The following DISC1 variants were observed in gnomAD, a reference collection of about 807,000 sequenced individuals.
DISC1 encodes DISC1 scaffold protein.
In DISC1, 57 loss-of-function variants were observed where a neutral mutation model predicts 84.5. The ratio of observed to expected loss-of-function variants is 0.67; its 90% CI spans 0.55 to 0.84. DISC1 has a LOEUF of 0.84. DISC1 is among the 40% of genes least tolerant of loss of function. The pLI, the probability that DISC1 is intolerant of heterozygous loss-of-function variation, is 0.00. For synonymous variants in DISC1, 411 were observed against 415.2 expected (o/e 0.99, Z 0.12); for missense variants, 1,000 against 1,057.8 (o/e 0.95, Z 0.76).
intron 11 of DISC1, among the ~76,000 whole-genome samples, chr1:232,025,633 G>A (rs1310874249): frequency 2.1e-5 from 3 of 140,448 alleles, no homozygotes; most frequent in East Asian, 4.1e-4. Context: ...GTCTCGCTCT[G>A]TCGCCCAGGC....
intron 8 of DISC1, chr1:231,815,134 T>C (rs1032674891): frequency 6.6e-6 from 1 of 152,040 alleles, no homozygotes; most frequent in Non-Finnish European, 1.5e-5. Flanking sequence ...ATTAATGTTA[T>C]ATATTTATTT....
At chr1:231,760,730 C>T (rs2075579109) in intron 4 of DISC1, among the ~76,000 whole-genome samples, 1 of 152,192 alleles carries the variant, frequency 6.6e-6, no homozygotes, top group African/African-American at 2.4e-5. Context: ...AGGATTTTCT[C>T]ACAGGTGGAT....
chr1:232,002,116 G>A (rs924922273), intron 10 of DISC1, among the ~76,000 whole-genome samples: 1 of 152,072 alleles, frequency 6.6e-6, no homozygotes, highest in Non-Finnish European at 1.5e-5. Flanking sequence ...AAAGAAGCAC[G>A]TGAAAAGATA....
chr1:231,746,342 A>T (rs944082101), intron 3 of DISC1, among the ~76,000 whole-genome samples: 1 of 152,220 alleles, frequency 6.6e-6, no homozygotes, highest in East Asian at 1.9e-4. Context: ...TGCTTTATCC[A>T]TTCATCTGTT....
At chr1:231,986,247 T>C (rs1664421506) in intron 10 of DISC1, among the ~76,000 whole-genome samples, 1 of 152,144 alleles carries the variant, frequency 6.6e-6, no homozygotes, top group Non-Finnish European at 1.5e-5. Context: ...GGATCTCAAG[T>C]TGGGAATGGT....
chr1:231,645,879 A>C (rs1332975460), intron 1 of DISC1, among the ~76,000 whole-genome samples: 4 of 150,444 alleles, frequency 2.7e-5, no homozygotes, highest in African/African-American at 9.8e-5. Flanking sequence ...TCCATGGTGT[A>C]TATGTGCCAC....
intron 10 of DISC1, among the ~76,000 whole-genome samples, chr1:231,978,540 G>A (rs1663145478): frequency 6.6e-6 from 1 of 152,140 alleles, no homozygotes; most frequent in Admixed American, 6.5e-5. Flanking sequence ...TGGTTTTCTA[G>A]CATCCTACAA....
chr1:231,806,311 G>T (rs532221010), intron 8 of DISC1, among the ~76,000 whole-genome samples: 1 of 152,322 alleles, frequency 6.6e-6, no homozygotes, highest in East Asian at 1.9e-4. Flanking sequence ...GGCAGCGGTG[G>T]CATCCATACC....
At chr1:231,940,347 C>T (rs1263150007) in intron 9 of DISC1, among the ~76,000 whole-genome samples, 1 of 152,206 alleles carries the variant, frequency 6.6e-6, no homozygotes, top group Admixed American at 6.5e-5. Context: ...ATTGGTTTCC[C>T]ATGGCTTGGT....
chr1:232,008,870 G>T lies in DISC1; in HGVS notation c.2128G>T (p.Ala710Ser). The T allele has an allele frequency of 6.2e-7, 1 of 1,613,572 alleles. No individual in the cohort carries two copies. The highest frequency in any genetic ancestry group is 8.5e-7 in the Non-Finnish European group (1 of 1,179,696). ...LLIQSLQLQEARGSLSVEDER... is the reference protein window; with the variant it reads ...LLIQSLQLQESRGSLSVEDER... ...TATCCAGAGCCTACAGCTCCAGGAA[G>T]CCAGGGGAAGCCTGTCTGTAGAAGA... Residue 710 changes from alanine to serine, a missense_variant, in exon 11 of 13, where the codon GCC becomes TCC. Ala to Ser is a moderately conservative substitution (Grantham distance 99). Coordinates refer to ENST00000439617, the MANE Select transcript of DISC1 (RefSeq NM_018662.3).
rs185944945 is a variant in DISC1, at chr1:231,826,780, A to G, written c.1981+8263A>G. 1.6e-4 allele frequency among the ~76,000 whole-genome samples: 24 copies of G among 152,336 alleles called. No individual in the cohort carries two copies. In the South Asian group the frequency reaches 4.6e-3, roughly 29 times the overall value. ...CCTGTTCTAAAATGCTGAAATGGCA[A>G]TCTTTTCCTTTGTATTCCTATAAGT... is the stretch of plus-strand genomic sequence containing the variant. On this transcript the variant is annotated intron_variant, in intron 9 of 12. Coordinates refer to ENST00000439617, the MANE Select transcript of DISC1 (RefSeq NM_018662.3). This position sits in a 1 kb window ranked among gnomAD's most constrained non-coding sequence, Gnocchi z 4.2.
chr1:231,634,050 A>G (rs1402423905), intron 1 of DISC1, among the ~76,000 whole-genome samples: 2 of 151,890 alleles, frequency 1.3e-5, no homozygotes, highest in Non-Finnish European at 2.9e-5. Flanking sequence ...CGTGCAGCTA[A>G]TTTTTGTATT....
chr1:231,670,117 C>G (rs957465573), intron 1 of DISC1, among the ~76,000 whole-genome samples: 3 of 152,048 alleles, frequency 2.0e-5, no homozygotes, highest in African/African-American at 7.2e-5. Context: ...AAACAGAAAA[C>G]CAAACACCGC....
intron 10 of DISC1, among the ~76,000 whole-genome samples, chr1:231,968,886 T>G (rs962273342): frequency 1.3e-5 from 2 of 152,114 alleles, no homozygotes; most frequent in African/African-American, 4.8e-5. Flanking sequence ...TTAATGCAGC[T>G]CTTAAAGACT....
At chr1:231,981,834 G>A (rs897564332) in intron 10 of DISC1, among the ~76,000 whole-genome samples, 3 of 152,180 alleles carry the variant, frequency 2.0e-5, no homozygotes, top group Non-Finnish European at 2.9e-5. Context: ...GGTTATTGTG[G>A]TTTGACGGTC....
At chr1:231,893,515 A>G (rs1449405700) in intron 9 of DISC1, among the ~76,000 whole-genome samples, 2 of 152,136 alleles carry the variant, frequency 1.3e-5, no homozygotes, top group East Asian at 1.9e-4. Context: ...CCCAAATCTC[A>G]GTTGTTTATA....
intron 3 of DISC1, 72 bp downstream of exon 3, chr1:231,702,096 A>C (rs2066499692): frequency 6.5e-7 from 1 of 1,545,062 alleles, no homozygotes; most frequent in African/African-American, 1.4e-5. Context: ...ACTCATATCT[A>C]CCTTTTGAAT....
intron 11 of DISC1, among the ~76,000 whole-genome samples, chr1:232,012,699 T>C (rs1668132189): frequency 6.6e-6 from 1 of 152,220 alleles, no homozygotes; most frequent in Non-Finnish European, 1.5e-5. Context: ...CCCGTGCTTA[T>C]CTGGCCAACG....
At chr1:231,762,964 G>A (rs1186929598) in intron 4 of DISC1, among the ~76,000 whole-genome samples, 1 of 152,192 alleles carries the variant, frequency 6.6e-6, no homozygotes. Flanking sequence ...CGGTGACACG[G>A]TGTGAAAAAG....
Sources: allele counts gnomAD v4.1 joint callset (sites outside exome capture counted in the v4.1 genomes callset), GRCh38; gene constraint gnomAD v4.1.1; non-coding constraint Gnocchi (gnomAD v3.1); transcripts MANE v1.5; gene names NCBI Gene and HGNC (gene_info 2026-07-23, HGNC 2026-07-21).